CPVL: variants seen among roughly 807,000 people sequenced by gnomAD.
The protein encoded by CPVL is probable serine carboxypeptidase CPVL.
A neutral mutation model predicts 63.7 loss-of-function variants in CPVL; 51 were observed. The observed-to-expected ratio is 0.80, with a 90% CI of 0.64 to 1.01. The LOEUF (loss-of-function observed/expected upper bound fraction) is 1.01, where lower values mean the gene tolerates loss of function less well. Among genes scored for constraint, CPVL ranks in the 50% least tolerant of loss-of-function variants. The pLI, the probability that CPVL is intolerant of heterozygous loss-of-function variation, is 0.00. For missense variants in CPVL, 530 were observed against 573.1 expected, an observed-to-expected ratio of 0.92 and a Z score of 0.77; for synonymous variants, 195 against 206.0, an observed-to-expected ratio of 0.95 and a Z score of 0.46.
Position 29,039,357 on chromosome 7 carries a change from A to T in CPVL, c.1138-8598T>A, listed in dbSNP as rs572588660. On this transcript the variant is annotated intron_variant, in intron 11 of 12. Transcript: ENST00000265394. ...CTGAGGGGTAAATAATTTAAGGCAG[A>T]TATAAAGCAACCATTTTAGCCAAAG... Among the ~76,000 whole-genome samples, 26 of 152,330 alleles carry T rather than the reference A, an allele frequency of 1.7e-4. No individual in the cohort carries two copies. The South Asian group carries it at 5.4e-3, about 32-fold the overall frequency.
rs374454833 is a variant in CPVL at position 29,174,642 on chromosome 7, C to A, written c.-11+6648G>T. 7.9e-5 allele frequency among the ~76,000 whole-genome samples: 12 copies of A among 152,206 alleles called. No homozygotes were observed. In the East Asian group the frequency reaches 1.4e-3, roughly 17 times the overall value. On this transcript the variant is annotated intron_variant, in intron 5 of 16. Transcript: ENST00000409850. ...TTGGGAGGCCGACTTGGGCGGATCA[C>A]CTGAGGTCAGGAGTTCGAGATCAGC...
intron 3 of CPVL, among the ~76,000 whole-genome samples, chr7:29,110,051 CT>C (rs1788102711): frequency 6.6e-6 from 1 of 152,296 alleles, no homozygotes; most frequent in East Asian, 1.9e-4. Context: ...TGGGTTTTTG[CT>C]TTGTTTCCAT....
chr7:29,141,279 C>T (rs1002663229), intron 1 of CPVL, among the ~76,000 whole-genome samples: 1 of 152,192 alleles, frequency 6.6e-6, no homozygotes, highest in Admixed American at 6.5e-5. Context: ...AGACCGGGCA[C>T]GGTGGCTGAT....
intron 12 of CPVL, among the ~76,000 whole-genome samples, chr7:29,014,838 C>T (rs1454051181): frequency 6.6e-6 from 1 of 152,184 alleles, no homozygotes; most frequent in Non-Finnish European, 1.5e-5. Context: ...CTGCTGAAGA[C>T]CCTTCTGGAA....
At chr7:29,082,108 T>G (rs1784778891) in intron 7 of CPVL, among the ~76,000 whole-genome samples, 1 of 152,228 alleles carries the variant, frequency 6.6e-6, no homozygotes, top group African/African-American at 2.4e-5. Flanking sequence ...AATTAAGAGT[T>G]TAGAAGAGAA....
At chr7:29,140,117 A>G (rs1453069208) in intron 1 of CPVL, among the ~76,000 whole-genome samples, 1 of 152,138 alleles carries the variant, frequency 6.6e-6, no homozygotes, top group African/African-American at 2.4e-5. Context: ...CCTCAGCACT[A>G]AACAATCACA....
chr7:29,003,656 G>A (rs1219513879), intron 12 of CPVL, among the ~76,000 whole-genome samples: 3 of 152,188 alleles, frequency 2.0e-5, no homozygotes. Flanking sequence ...CAAAAAGGGT[G>A]TAAAGTGAGT....
intron 11 of CPVL, among the ~76,000 whole-genome samples, chr7:29,038,512 C>T (rs959198168): frequency 4.6e-5 from 7 of 152,186 alleles, no homozygotes; most frequent in African/African-American, 1.4e-4. Context: ...GCAGCCTGAA[C>T]TAAGACAGTC....
chr7:29,190,463 C>T (rs575868402), intron 1 of CPVL, among the ~76,000 whole-genome samples: 2 of 152,314 alleles, frequency 1.3e-5, no homozygotes, highest in South Asian at 4.1e-4. Context: ...ATGACAGCCA[C>T]GTTCACCCTG....
intron 12 of CPVL, among the ~76,000 whole-genome samples, chr7:29,004,378 C>T (rs1296717517): frequency 6.6e-6 from 1 of 151,976 alleles, no homozygotes; most frequent in Non-Finnish European, 1.5e-5. Flanking sequence ...CTTATTTCAC[C>T]AGATCAGTTA....
chr7:29,086,670 A>G, intron 6 of CPVL, 120 bp from the exon 7 acceptor site: 1 of 725,330 alleles, frequency 1.4e-6, no homozygotes. Flanking sequence ...ATAAGATACC[A>G]CTCTGCTATG....
At chr7:29,137,555 C>A (rs536879599) in intron 1 of CPVL, among the ~76,000 whole-genome samples, 1 of 152,316 alleles carries the variant, frequency 6.6e-6, no homozygotes, top group Admixed American at 6.5e-5. Flanking sequence ...GCCCAGGTAG[C>A]CTTTTCCTAT....
chr7:29,089,024 G>A (rs1785501173), intron 6 of CPVL, among the ~76,000 whole-genome samples: 1 of 152,146 alleles, frequency 6.6e-6, no homozygotes, highest in Non-Finnish European at 1.5e-5. Flanking sequence ...CACACTCCAT[G>A]CATTTATTCA....
chr7:29,072,429 A>G lies in CPVL; in HGVS notation c.610-6T>C, dbSNP rs2128577340. On this transcript the variant is annotated splice_region_variant and splice_polypyrimidine_tract_variant and intron_variant, in intron 7 of 12. Transcript: ENST00000265394. ...ACATATTTCCCTGCATAAGACTGAG[A>G]AGGACAGATGTTGAAATGGCCAATC... 1.2e-6 allele frequency: 2 copies of G among 1,612,704 alleles called. No homozygotes were observed. The highest frequency in any genetic ancestry group is 1.7e-4 in the Middle Eastern group (1 of 6,052).
chr7:29,077,543 C>T (rs1784352453), intron 7 of CPVL, among the ~76,000 whole-genome samples: 1 of 152,118 alleles, frequency 6.6e-6, no homozygotes, highest in South Asian at 2.1e-4. Context: ...GAGGGTCATT[C>T]TAAGCTCCCT....
intron 11 of CPVL, among the ~76,000 whole-genome samples, chr7:29,034,175 G>A (rs1788296383): frequency 6.6e-6 from 1 of 152,060 alleles, no homozygotes; most frequent in Non-Finnish European, 1.5e-5. Flanking sequence ...CACAATCTTG[G>A]CTCACTGCAA....
chr7:29,099,440 G>A (rs1786835890), intron 3 of CPVL, among the ~76,000 whole-genome samples: 1 of 152,138 alleles, frequency 6.6e-6, no homozygotes, highest in African/African-American at 2.4e-5. Flanking sequence ...GGCTGGGTAT[G>A]GTGGCGCATG....
intron 11 of CPVL, among the ~76,000 whole-genome samples, chr7:29,032,445 C>T (rs1030458812): frequency 3.3e-5 from 5 of 152,128 alleles, no homozygotes; most frequent in Non-Finnish European, 7.4e-5. Flanking sequence ...AACTGAACTC[C>T]AGTAATAAAA....
chr7:29,001,107 G>C (rs894045816), intron 12 of CPVL: 1 of 152,186 alleles, frequency 6.6e-6, no homozygotes, highest in African/African-American at 2.4e-5. Flanking sequence ...AAGGAGAAGA[G>C]GGTAGTAAGA....
Sources: gnomAD v4.1 joint callset for allele counts (sites outside exome capture counted in the v4.1 genomes callset) on GRCh38, gnomAD v4.1.1 for gene constraint, MANE v1.5 for transcripts, NCBI Gene and HGNC (gene_info 2026-07-23, HGNC 2026-07-21) for gene names.